Variants in ATAD1 observed in about 807,000 individuals in gnomAD.
The protein encoded by ATAD1 is outer mitochondrial transmembrane helix translocase.
Under a neutral mutation model 42.7 loss-of-function variants are expected in ATAD1, and 18 were observed. The observed-to-expected ratio is 0.42, with a 90% CI of 0.29 to 0.63. ATAD1 has a LOEUF of 0.63. ATAD1 is among the 20% of genes least tolerant of loss of function. The pLI is 0.19. For synonymous variants in ATAD1, 132 were observed against 143.1 expected (o/e 0.92, Z 0.55); for missense variants, 294 against 440.4 (o/e 0.67, Z 2.98).
intron 2 of ATAD1, among the ~76,000 whole-genome samples, chr10:87,800,619 A>AT (rs1856647952): frequency 6.6e-6 from 1 of 152,124 alleles, no homozygotes; most frequent in African/African-American, 2.4e-5. Context: ...TAAAAAAAAA[A>AT]ATTTTTAATT....
intron 2 of ATAD1, among the ~76,000 whole-genome samples, chr10:87,813,706 A>G (rs1857286362): frequency 6.6e-6 from 1 of 152,024 alleles, no homozygotes; most frequent in South Asian, 2.1e-4. Context: ...GTCACAACTC[A>G]CAAGACAGAT....
chr10:87,800,278 A>AT (rs1216442075), intron 2 of ATAD1, among the ~76,000 whole-genome samples: 4 of 152,016 alleles, frequency 2.6e-5, no homozygotes, highest in Non-Finnish European at 5.9e-5. Context: ...AGAGATTTTA[A>AT]TTTTTTTCTA....
intron 1 of ATAD1, 100 bp from the exon 2 acceptor site, chr10:87,814,712 T>C (rs1373779291): frequency 8.8e-6 from 8 of 911,390 alleles, no homozygotes; most frequent in Non-Finnish European, 1.2e-5. Flanking sequence ...AACTAACTTC[T>C]AGTCAAATTA....
intron 1 of ATAD1, among the ~76,000 whole-genome samples, chr10:87,829,563 C>T (rs1857792446): frequency 6.6e-6 from 1 of 152,214 alleles, no homozygotes; most frequent in East Asian, 1.9e-4. Context: ...CAGGATTCAC[C>T]ATTCTAAATG....
chr10:87,821,314 G>A (rs1447544550), upstream of ATAD1, among the ~76,000 whole-genome samples: 5 of 152,094 alleles, frequency 3.3e-5, no homozygotes, highest in East Asian at 9.6e-4. Context: ...GATCACCTGA[G>A]GTGAGGAGTT....
chr10:87,763,943 T>A lies in ATAD1; in HGVS notation c.831+3730A>T, dbSNP rs569955721. On this transcript the variant is annotated intron_variant, in intron 8 of 9. Transcript: ENST00000680024. Reference sequence around the variant, plus strand: ...TTTTTCCTATGTAAGACAAATTGATTCTAAAATTTATGCAGAGAAAAAGAA... The same window carrying A: ...TTTTTCCTATGTAAGACAAATTGATACTAAAATTTATGCAGAGAAAAAGAA... Among the ~76,000 whole-genome samples the A allele has an allele frequency of 6.7e-4, 102 of 152,184 alleles. 1 individual carries two copies. In the South Asian group the frequency reaches 0.021, roughly 31 times the overall value.
intron 5 of ATAD1, among the ~76,000 whole-genome samples, chr10:87,783,923 TA>T (rs890932599): frequency 4.2e-5 from 6 of 144,294 alleles, no homozygotes; most frequent in Admixed American, 6.9e-5. Flanking sequence ...TAATAAACTG[TA>T]AAAAAAAAAC....
chr10:87,804,745 G>T (rs905840095), intron 2 of ATAD1, among the ~76,000 whole-genome samples: 1 of 152,028 alleles, frequency 6.6e-6, no homozygotes, highest in Non-Finnish European at 1.5e-5. Flanking sequence ...TATTCATCCT[G>T]CACTTTAAAT....
At chr10:87,765,483 G>A in intron 8 of ATAD1, among the ~76,000 whole-genome samples, 1 of 105,816 alleles carries the variant, frequency 9.5e-6, no homozygotes, top group Non-Finnish European at 1.7e-5. Flanking sequence ...AGAAGCCATA[G>A]GGGGGGTGGG....
chr10:87,818,263 G>A, upstream of ATAD1: 3 of 985,282 alleles, frequency 3.0e-6, no homozygotes, highest in Non-Finnish European at 3.6e-6. Context: ...GAGGCGCGGC[G>A]CACTCCCTCC....
At chr10:87,763,972 AAAT>A (rs2131780720) in intron 8 of ATAD1, among the ~76,000 whole-genome samples, 1 of 152,276 alleles carries the variant, frequency 6.6e-6, no homozygotes, top group Non-Finnish European at 1.5e-5. Flanking sequence ...AAAAGAATTA[AAAT>A]AACCTTGGGG....
intron 4 of ATAD1, among the ~76,000 whole-genome samples, chr10:87,789,369 A>C (rs1360374950): frequency 6.6e-6 from 1 of 152,130 alleles, no homozygotes; most frequent in East Asian, 1.9e-4. Context: ...TATATCTCTC[A>C]CTGTAAATTA....
chr10:87,823,614 A>T (rs922940134), intron 1 of ATAD1, among the ~76,000 whole-genome samples: 2 of 152,218 alleles, frequency 1.3e-5, no homozygotes, highest in Non-Finnish European at 2.9e-5. Context: ...TGCATTAGTT[A>T]AAATAGAAGA....
chr10:87,767,103 T>C (rs1353803749), intron 8 of ATAD1, among the ~76,000 whole-genome samples: 3 of 152,074 alleles, frequency 2.0e-5, no homozygotes, highest in African/African-American at 4.8e-5. Flanking sequence ...AATCAGACAA[T>C]AGTCTGAAAA....
chr10:87,814,347 C>A, intron 2 of ATAD1, 91 bp downstream of exon 2: 1 of 1,223,402 alleles, frequency 8.2e-7, no homozygotes, highest in Non-Finnish European at 1.1e-6. Flanking sequence ...TAGAATTTCT[C>A]ATTAATTTGT....
intron 2 of ATAD1, among the ~76,000 whole-genome samples, chr10:87,801,551 G>A: frequency 1.6e-5 from 1 of 61,724 alleles, no homozygotes. Context: ...AATGTTATTA[G>A]TATGTGTCCT....
In ATAD1 at chr10:87,761,516, C is replaced by T. The variant is rs188751996; in HGVS notation, c.832-4594G>A. Among the ~76,000 whole-genome samples the T allele has an allele frequency of 1.6e-4, 24 of 151,946 alleles. No homozygotes were observed. The East Asian group carries it at 4.5e-3, about 28-fold the overall frequency. ...ATTTCTACTAAAAATACAAAAAATT[C>T]GCTGGGTGTGGTGCATGCACCTATA... is the stretch of plus-strand genomic sequence containing the variant. On this transcript the variant is annotated intron_variant, in intron 8 of 9. Coordinates refer to ENST00000680024, the MANE Select transcript of ATAD1 (RefSeq NM_001321967.2).
At chr10:87,816,226 C>T (rs1443848903) in intron 1 of ATAD1, among the ~76,000 whole-genome samples, 3 of 152,220 alleles carry the variant, frequency 2.0e-5, no homozygotes, top group East Asian at 3.9e-4. Flanking sequence ...AAAACAGAGG[C>T]TATTCAAAAA....
chr10:87,788,561 T>C (rs1354895918), intron 4 of ATAD1, among the ~76,000 whole-genome samples: 2 of 152,246 alleles, frequency 1.3e-5, no homozygotes, highest in Non-Finnish European at 2.9e-5. Flanking sequence ...CAAATTTACA[T>C]ATAACTTTTG....
Sources: gnomAD v4.1 joint callset for allele counts (sites outside exome capture counted in the v4.1 genomes callset) on GRCh38, gnomAD v4.1.1 for gene constraint, MANE v1.5 for transcripts, NCBI Gene and HGNC (gene_info 2026-07-23, HGNC 2026-07-21) for gene names.